Variants in BCOR observed in about 807,000 individuals in gnomAD.
The protein encoded by BCOR is BCL-6 corepressor.
In BCOR, 10 loss-of-function variants were observed where a neutral mutation model predicts 86.7. That is an observed-to-expected ratio of 0.12 (90% CI 0.07 to 0.20). The LOEUF is 0.20. Among genes scored for constraint, BCOR ranks in the 10% least tolerant of loss-of-function variants. BCOR has a pLI of 1.00. For synonymous variants in BCOR, 611 were observed against 609.0 expected (o/e 1.00, Z -0.05); for missense variants, 1,259 against 1,452.1 (o/e 0.87, Z 2.16).
At chrX:40,085,683 C>G (rs5963736) in intron 1 of BCOR, among the ~76,000 whole-genome samples, 27,631 of 111,148 alleles carry the variant, frequency 0.25, 4,622 homozygotes, top group African/African-American at 0.59. Flanking sequence ...AATGATCTTC[C>G]AAAACCCAAG....
intron 1 of BCOR, among the ~76,000 whole-genome samples, chrX:40,128,592 C>T (rs1462644287): frequency 8.9e-6 from 1 of 112,150 alleles, no homozygotes. Context: ...TCTGTGCTTA[C>T]TGATTCCAAT....
intron 6 of BCOR, among the ~76,000 whole-genome samples, chrX:40,070,006 C>T (rs1602142063): frequency 8.9e-6 from 1 of 111,799 alleles, no homozygotes; most frequent in South Asian, 3.7e-4. Context: ...GAGGGGTGTG[C>T]GCTCCGAGTA....
Position 40,057,209 on chromosome X carries a change from C to T in BCOR, c.4541G>A (p.Arg1514Gln), listed in dbSNP as rs1187192426. 3 of 1,210,585 alleles carry T rather than the reference C, an allele frequency of 2.5e-6. No individual in the cohort carries two copies. Among genetic ancestry groups the T allele is most frequent in the Non-Finnish European group, 3.4e-6 (3 of 895,371 alleles). Reference sequence around the variant, plus strand: ...ATCAGCGCCATATTCAAGGAGGTGTCGCACAATGTTGAGCCAGCCCCTAGC... The same window carrying T: ...ATCAGCGCCATATTCAAGGAGGTGTTGCACAATGTTGAGCCAGCCCCTAGC... ...ACARGWLNIV[R>Q]HLLEYGADVN... Residue 1514 changes from arginine (R) to glutamine (Q), a missense_variant, in exon 11 of 15, where the codon CGA becomes CAA. This residue lies in a region of BCOR where 47 missense variants were observed against 102.1 expected (regional missense o/e 0.46). Transcript: ENST00000378444.
At chrX:40,156,991 G>A (rs1938310388) in intron 1 of BCOR, among the ~76,000 whole-genome samples, 1 of 113,704 alleles carries the variant, frequency 8.8e-6, no homozygotes, top group Admixed American at 9.2e-5. Context: ...GGCCACCCGA[G>A]CTAACGCTAG....
At position 40,112,397 on chromosome X, in the gene BCOR, C is replaced by T. The variant is rs149408778; in HGVS notation, c.-40-34428G>A. On this transcript the variant is annotated intron_variant, in intron 1 of 14. Transcript: ENST00000342274. ...ATAACAATAGCAAGCATTTACATCACGCCTGTTAGGTTGAAGCTCTCTTCA... is the reference window on the plus strand; with the variant it reads ...ATAACAATAGCAAGCATTTACATCATGCCTGTTAGGTTGAAGCTCTCTTCA... Among the ~76,000 whole-genome samples the T allele has an allele frequency of 5.1e-3, 566 of 111,962 alleles. 2 individuals are homozygous for T. The highest frequency in any genetic ancestry group is 8.3e-3 in the Non-Finnish European group (442 of 53,177).
intron 1 of BCOR, among the ~76,000 whole-genome samples, chrX:40,171,521 G>A (rs948707888): frequency 9.0e-6 from 1 of 111,534 alleles, no homozygotes; most frequent in African/African-American, 3.3e-5. Flanking sequence ...AGGAGAATGG[G>A]GGTCGGGTGG....
chrX:40,084,096 T>A (rs1367678421), intron 1 of BCOR, among the ~76,000 whole-genome samples: 7 of 111,952 alleles, frequency 6.3e-5, no homozygotes, highest in Non-Finnish European at 7.5e-5. Context: ...ACGCTTCCCC[T>A]TACAAAGATG....
At chrX:40,083,450 G>C (rs61010921) in intron 1 of BCOR, among the ~76,000 whole-genome samples, 4,464 of 112,404 alleles carry the variant, frequency 0.04, 87 homozygotes, top group Middle Eastern at 0.12. Flanking sequence ...TAGTAAGGGG[G>C]AGGGGGAAGG....
chrX:40,176,194 T>C (rs1019697776), intron 1 of BCOR, among the ~76,000 whole-genome samples: 3 of 113,052 alleles, frequency 2.7e-5, no homozygotes, highest in African/African-American at 9.6e-5. Flanking sequence ...CCTTCCGCCT[T>C]GCGGTCCTCG....
intron 1 of BCOR, among the ~76,000 whole-genome samples, chrX:40,127,765 G>A (rs1012126325): frequency 9.3e-6 from 1 of 107,569 alleles, no homozygotes; most frequent in Non-Finnish European, 1.9e-5. Context: ...CCCAGCTACT[G>A]AGGAGGCTGA....
chrX:40,158,887 T>C (rs749591243), intron 1 of BCOR, among the ~76,000 whole-genome samples: 5 of 112,785 alleles, frequency 4.4e-5, no homozygotes, highest in Non-Finnish European at 9.4e-5. Flanking sequence ...AGTGAATTTT[T>C]AAAAGACACC....
chrX:40,060,067 A>G (rs1287833571), intron 10 of BCOR, among the ~76,000 whole-genome samples: 1 of 111,986 alleles, frequency 8.9e-6, no homozygotes, highest in Admixed American at 9.4e-5. Flanking sequence ...AATGATAAAG[A>G]GGGGTTTTGG....
chrX:40,173,611 T>C (rs911825093), intron 1 of BCOR, among the ~76,000 whole-genome samples: 2 of 112,316 alleles, frequency 1.8e-5, no homozygotes, highest in Non-Finnish European at 3.8e-5. Flanking sequence ...CTTGTGTGTG[T>C]GTGGTGGTGG....
intron 1 of BCOR, among the ~76,000 whole-genome samples, chrX:40,155,822 C>T (rs1181169181): frequency 3.5e-5 from 4 of 112,719 alleles, no homozygotes; most frequent in Non-Finnish European, 7.5e-5. Context: ...CGCCGCGGGC[C>T]CGCGTGAGGC....
chrX:40,133,176 C>G (rs1937620586), intron 1 of BCOR, among the ~76,000 whole-genome samples: 1 of 95,298 alleles, frequency 1.0e-5, no homozygotes, highest in Non-Finnish European at 2.0e-5. Context: ...CTCGCTCTGT[C>G]GCCCAGACTG....
chrX:40,140,861 A>G (rs1186503944), intron 1 of BCOR, among the ~76,000 whole-genome samples: 1 of 113,056 alleles, frequency 8.8e-6, no homozygotes, highest in Admixed American at 9.3e-5. Context: ...AGAATGTGAT[A>G]TTTTTCTGTT....
intron 1 of BCOR, among the ~76,000 whole-genome samples, chrX:40,084,927 CA>C (rs1421041425): frequency 1.8e-5 from 2 of 112,126 alleles, no homozygotes; most frequent in Non-Finnish European, 3.8e-5. Context: ...GAGGGGCACC[CA>C]CCTTCTTTAC....
chrX:40,161,200 T>A (rs1327718623), intron 1 of BCOR, among the ~76,000 whole-genome samples: 1 of 99,719 alleles, frequency 1.0e-5, no homozygotes, highest in Non-Finnish European at 2.0e-5. Flanking sequence ...TTTTTGGGGT[T>A]TTTTTTTGTT....
At chrX:40,172,969 G>A (rs1938662507) in intron 1 of BCOR, among the ~76,000 whole-genome samples, 2 of 112,883 alleles carry the variant, frequency 1.8e-5, no homozygotes, top group South Asian at 3.6e-4. Flanking sequence ...CCTTTGCATT[G>A]CCTTCCCTGA....
Sources: gnomAD v4.1 joint callset for allele counts (sites outside exome capture counted in the v4.1 genomes callset) on GRCh38, gnomAD v4.1.1 for gene constraint, gnomAD v4.1.1 regional missense constraint, MANE v1.5 for transcripts, NCBI Gene and HGNC (gene_info 2026-07-23, HGNC 2026-07-21) for gene names.